The following RSU1 variants were observed in gnomAD, a reference collection of about 807,000 sequenced individuals.
RSU1 encodes Ras suppressor protein 1, also known as rsu-1.
RSU1 carries 26 observed loss-of-function variants against 31.1 expected under a neutral mutation model. The ratio of observed to expected loss-of-function variants is 0.84; its 90% CI spans 0.61 to 1.16. RSU1 has a LOEUF of 1.16. RSU1 is among the 50% of genes most tolerant of loss of function. The pLI is 0.00. For missense variants in RSU1, 320 were observed against 339.1 expected (o/e 0.94, Z 0.44); for synonymous variants, 164 against 136.3 (o/e 1.20, Z -1.41).
At chr10:16,596,685 G>A (rs571501111) in intron 8 of RSU1, among the ~76,000 whole-genome samples, 57 of 152,216 alleles carry the variant, frequency 3.7e-4, no homozygotes, top group African/African-American at 1.3e-3. Context: ...AAATACGTAT[G>A]TACATTTTTA....
At chr10:16,793,772 G>T (rs552631648) in intron 2 of RSU1, among the ~76,000 whole-genome samples, 175 of 151,894 alleles carry the variant, frequency 1.2e-3, no homozygotes, top group African/African-American at 4.0e-3. Flanking sequence ...AGCTTCCTCT[G>T]CAATAAGGAG....
At chr10:16,806,231 C>T (rs1473623930) in intron 2 of RSU1, among the ~76,000 whole-genome samples, 1 of 152,134 alleles carries the variant, frequency 6.6e-6, no homozygotes, top group East Asian at 1.9e-4. Flanking sequence ...GAATCATTAG[C>T]CCAGACAGGA....
chr10:16,727,084 A>G (rs774481270), intron 7 of RSU1: 4 of 456,580 alleles, frequency 8.8e-6, no homozygotes, highest in South Asian at 6.2e-5. Flanking sequence ...CATTCCTCAC[A>G]ACACAGGCTG....
chr10:16,790,920 G>A (rs890971533), intron 2 of RSU1, among the ~76,000 whole-genome samples: 1 of 152,176 alleles, frequency 6.6e-6, no homozygotes, highest in Non-Finnish European at 1.5e-5. Context: ...TACAGCCTGT[G>A]GAACTGTGAG....
intron 3 of RSU1, among the ~76,000 whole-genome samples, chr10:16,779,906 G>T (rs923831886): frequency 1.3e-5 from 2 of 152,138 alleles, no homozygotes; most frequent in Non-Finnish European, 2.9e-5. Context: ...TGTCAGTGAC[G>T]CTACTCAGGA....
At chr10:16,770,631 C>T (rs1837406025) in intron 3 of RSU1, among the ~76,000 whole-genome samples, 1 of 152,236 alleles carries the variant, frequency 6.6e-6, no homozygotes, top group Non-Finnish European at 1.5e-5. Flanking sequence ...GGGGACCCAG[C>T]CTCTTTGAAA....
intron 3 of RSU1, among the ~76,000 whole-genome samples, chr10:16,780,943 A>G (rs1837636157): frequency 6.6e-6 from 1 of 152,188 alleles, no homozygotes; most frequent in African/African-American, 2.4e-5. Flanking sequence ...GCTAACAACG[A>G]CTAATCCACT....
chr10:16,755,106 C>A, intron 4 of RSU1, 117 bp from the exon 5 acceptor site: 1 of 558,896 alleles, frequency 1.8e-6, no homozygotes, highest in South Asian at 3.1e-5. Flanking sequence ...ATCCTAGAGT[C>A]ACTTTATACT....
intron 7 of RSU1, among the ~76,000 whole-genome samples, chr10:16,722,720 CTGTCT>C (rs1033093364): frequency 6.6e-6 from 1 of 151,918 alleles, no homozygotes; most frequent in Non-Finnish European, 1.5e-5. Context: ...AGCAAGCTAT[CTGTCT>C]TAAGAGCACA....
chr10:16,709,871 C>A (rs1398921486), intron 7 of RSU1, among the ~76,000 whole-genome samples: 5 of 152,092 alleles, frequency 3.3e-5, no homozygotes, highest in African/African-American at 4.8e-5. Flanking sequence ...TGTTTGAGTT[C>A]ATTGTAGATT....
At chr10:16,653,012 A>T (rs1214658400) in intron 8 of RSU1, among the ~76,000 whole-genome samples, 1 of 152,166 alleles carries the variant, frequency 6.6e-6, no homozygotes, top group African/African-American at 2.4e-5. Context: ...CTTTACATAG[A>T]GAACAGAAAA....
chr10:16,755,430 T>A (rs1354197497), intron 4 of RSU1, among the ~76,000 whole-genome samples: 1 of 152,022 alleles, frequency 6.6e-6, no homozygotes, highest in Non-Finnish European at 1.5e-5. Flanking sequence ...TCCTTTTTTT[T>A]TTTTAATTAA....
rs750238618 is a variant in RSU1, at chr10:16,775,334, G to A, written c.160+6700C>T. 7.9e-5 allele frequency among the ~76,000 whole-genome samples: 12 copies of A among 152,260 alleles called. No homozygotes were observed. In the South Asian group the frequency reaches 1.0e-3, roughly 13 times the overall value. ...GAAAGTGACAGGCTTACACTCCCCC[G>A]TCTTATTTTCTCCACAGCCTGCCAC... On this transcript the variant is annotated intron_variant, in intron 3 of 8. Coordinates refer to ENST00000345264, the MANE Select transcript of RSU1 (RefSeq NM_012425.4).
At chr10:16,600,735 A>AATCTT (rs1175617602) in intron 8 of RSU1, among the ~76,000 whole-genome samples, 6 of 151,826 alleles carry the variant, frequency 4.0e-5, no homozygotes, top group Non-Finnish European at 8.8e-5. Flanking sequence ...CTTATTTTAA[A>AATCTT]ATCTTATTGT....
intron 3 of RSU1, among the ~76,000 whole-genome samples, chr10:16,776,708 T>C (rs1196347723): frequency 6.6e-6 from 1 of 151,938 alleles, no homozygotes; most frequent in Non-Finnish European, 1.5e-5. Flanking sequence ...TACATAAATG[T>C]CGGCTCCTCA....
chr10:16,713,335 A>G (rs1836061901), intron 7 of RSU1, among the ~76,000 whole-genome samples: 1 of 152,092 alleles, frequency 6.6e-6, no homozygotes, highest in Non-Finnish European at 1.5e-5. Context: ...CCTATAATGC[A>G]CACATTTGTT....
intron 3 of RSU1, among the ~76,000 whole-genome samples, chr10:16,780,402 C>T (rs753112356): frequency 7.2e-5 from 11 of 152,024 alleles, no homozygotes; most frequent in African/African-American, 1.9e-4. Context: ...CCACTATGTC[C>T]GGTTAATTTT....
At chr10:16,801,645 A>G (rs1466930159) in intron 2 of RSU1, among the ~76,000 whole-genome samples, 1 of 152,124 alleles carries the variant, frequency 6.6e-6, no homozygotes, top group Non-Finnish European at 1.5e-5. Context: ...TCTGGGCCAT[A>G]AAACACCCCT....
At chr10:16,610,056 A>T (rs531697475) in intron 8 of RSU1, among the ~76,000 whole-genome samples, 2 of 152,356 alleles carry the variant, frequency 1.3e-5, no homozygotes, top group South Asian at 4.1e-4. Context: ...CCAAAATATC[A>T]TTTCAACATG....
Sources: gnomAD v4.1 joint callset for allele counts (sites outside exome capture counted in the v4.1 genomes callset) on GRCh38, gnomAD v4.1.1 for gene constraint, MANE v1.5 for transcripts, NCBI Gene and HGNC (gene_info 2026-07-23, HGNC 2026-07-21) for gene names.